MTUS2: variants seen among roughly 807,000 people sequenced by gnomAD.
MTUS2 encodes microtubule-associated tumor suppressor candidate 2.
MTUS2 carries 40 observed loss-of-function variants against 114.1 expected under a neutral mutation model. The observed-to-expected ratio is 0.35, with a 90% CI of 0.27 to 0.46. MTUS2 has a LOEUF of 0.46. Ranked by LOEUF, MTUS2 falls within the 20% of genes least tolerant of loss-of-function variation. The pLI, the probability that MTUS2 is intolerant of heterozygous loss-of-function variation, is 1.00. For synonymous variants in MTUS2, 688 were observed against 672.0 expected (o/e 1.02, Z -0.37); for missense variants, 1,679 against 1,705.4 (o/e 0.98, Z 0.27).
chr13:28,896,095 A>G (rs573942869), intron 2 of MTUS2, among the ~76,000 whole-genome samples: 57 of 152,330 alleles, frequency 3.7e-4, no homozygotes, highest in Admixed American at 1.1e-3. Flanking sequence ...GAGTAATTGT[A>G]TAGATAATAA....
chr13:29,184,776 T>C (rs1319986130), intron 5 of MTUS2, among the ~76,000 whole-genome samples: 1 of 152,030 alleles, frequency 6.6e-6, no homozygotes, highest in Non-Finnish European at 1.5e-5. Flanking sequence ...CAACAAACCT[T>C]GGGGAATGAC....
In MTUS2 at chr13:28,829,879, A is replaced by G. The variant is rs139776936; in HGVS notation, c.-316+9268A>G. ...TGGAATCTAGAAGTCCCATGTCTGT[A>G]TGTCCAGGAAATACTTAATAAGGCC... is the stretch of plus-strand genomic sequence containing the variant. On this transcript the variant is annotated intron_variant, in intron 1 of 15. Coordinates refer to ENST00000612955, the MANE Select transcript of MTUS2 (RefSeq NM_001033602.4). Among the ~76,000 whole-genome samples, 9 of 152,352 alleles carry G rather than the reference A, an allele frequency of 5.9e-5. No homozygotes were observed. The East Asian group carries it at 9.6e-4, about 16-fold the overall frequency.
intron 1 of MTUS2, among the ~76,000 whole-genome samples, chr13:28,823,133 G>A (rs1287317496): frequency 1.3e-5 from 2 of 152,242 alleles, no homozygotes; most frequent in Non-Finnish European, 2.9e-5. Flanking sequence ...ATTGAAAGAT[G>A]CTTCATTAAT....
intron 5 of MTUS2, among the ~76,000 whole-genome samples, chr13:29,245,807 C>T (rs1221412098): frequency 1.3e-5 from 2 of 151,604 alleles, no homozygotes; most frequent in East Asian, 1.9e-4. Context: ...CGCCAGCCTC[C>T]TGTCTCAGCC....
At chr13:29,097,073 C>A (rs1890208931) in intron 4 of MTUS2, among the ~76,000 whole-genome samples, 1 of 152,132 alleles carries the variant, frequency 6.6e-6, no homozygotes, top group African/African-American at 2.4e-5. Context: ...GCCTGCCCAT[C>A]CCAGGAAGAT....
chr13:28,848,289 G>T (rs921786573), intron 2 of MTUS2, among the ~76,000 whole-genome samples: 1 of 152,166 alleles, frequency 6.6e-6, no homozygotes, highest in Non-Finnish European at 1.5e-5. Context: ...AATGTTAATG[G>T]GGAAACACAG....
At chr13:29,329,614 CTTT>C (rs34216714) in intron 7 of MTUS2, among the ~76,000 whole-genome samples, 2,546 of 105,968 alleles carry the variant, frequency 0.024, 66 homozygotes, top group African/African-American at 0.075. Flanking sequence ...GTGCATGTGT[CTTT>C]TTTTTTTTTT....
chr13:28,982,143 G>T (rs1884386687), intron 2 of MTUS2, among the ~76,000 whole-genome samples: 1 of 152,136 alleles, frequency 6.6e-6, no homozygotes, highest in Non-Finnish European at 1.5e-5. Context: ...GGTTCCACAG[G>T]TAAGTAGGGT....
chr13:29,437,902 TA>T (rs66960554), intron 8 of MTUS2, among the ~76,000 whole-genome samples: 3,132 of 150,722 alleles, frequency 0.021, 55 homozygotes, highest in Non-Finnish European at 0.03. Flanking sequence ...GAGCCATGAT[TA>T]CACCACTGCA....
intron 7 of MTUS2, among the ~76,000 whole-genome samples, chr13:29,358,855 G>A (rs1012890572): frequency 2.6e-5 from 4 of 151,086 alleles, no homozygotes; most frequent in South Asian, 4.2e-4. Context: ...TTATTCTCTG[G>A]TGCCCAATTA....
rs1341979953 is a variant in MTUS2, at chr13:28,944,464, A to G, written c.-242-79993A>G. On this transcript the variant is annotated intron_variant, in intron 2 of 15. Coordinates refer to ENST00000612955, the MANE Select transcript of MTUS2 (RefSeq NM_001033602.4). Reference sequence around the variant, plus strand: ...TAAATTTTAGGTATAGATATTACAGAGTGCTAGCTAGTAAGTCCCAACCAT... The same window carrying G: ...TAAATTTTAGGTATAGATATTACAGGGTGCTAGCTAGTAAGTCCCAACCAT... Among the ~76,000 whole-genome samples the G allele has an allele frequency of 2.6e-5, 4 of 152,230 alleles. No individual in the cohort carries two copies. In the East Asian group the frequency reaches 7.7e-4, roughly 29 times the overall value.
chr13:29,299,321 C>T (rs1202467299), intron 6 of MTUS2, among the ~76,000 whole-genome samples: 2 of 152,130 alleles, frequency 1.3e-5, no homozygotes, highest in Non-Finnish European at 2.9e-5. Context: ...TCTCAGACAT[C>T]CCGGGACTAA....
intron 2 of MTUS2, among the ~76,000 whole-genome samples, chr13:28,846,730 A>G (rs2138011436): frequency 6.6e-6 from 1 of 152,360 alleles, no homozygotes; most frequent in Admixed American, 6.5e-5. Context: ...AATGAATCTT[A>G]ATAGAAGAGG....
At chr13:29,178,713 T>C (rs1893877245) in intron 5 of MTUS2, among the ~76,000 whole-genome samples, 1 of 152,064 alleles carries the variant, frequency 6.6e-6, no homozygotes, top group Non-Finnish European at 1.5e-5. Context: ...TCAATAGAAA[T>C]GTATTTAAGA....
chr13:29,301,606 T>A (rs1899208089), intron 6 of MTUS2, among the ~76,000 whole-genome samples: 1 of 152,242 alleles, frequency 6.6e-6, no homozygotes, highest in Non-Finnish European at 1.5e-5. Flanking sequence ...TAGACCGAGA[T>A]TACCACTAAT....
intron 4 of MTUS2, among the ~76,000 whole-genome samples, chr13:29,052,354 A>G (rs1431367290): frequency 1.3e-5 from 2 of 150,730 alleles, no homozygotes; most frequent in African/African-American, 4.9e-5. Context: ...GGTGGCAGGC[A>G]CCTGTAATCC....
At chr13:28,900,296 CTG>C (rs759551772) in intron 2 of MTUS2, among the ~76,000 whole-genome samples, 5 of 151,310 alleles carry the variant, frequency 3.3e-5, no homozygotes, top group Admixed American at 2.0e-4. Flanking sequence ...TTACCTGTAG[CTG>C]TGTGTGTGTG....
At chr13:28,902,565 A>G (rs1277917199) in intron 2 of MTUS2, among the ~76,000 whole-genome samples, 20 of 152,118 alleles carry the variant, frequency 1.3e-4, no homozygotes, top group Admixed American at 1.2e-3. Context: ...TGTAAAAAAA[A>G]AAATTTTAAC....
chr13:28,943,278 T>C (rs572467477), intron 2 of MTUS2, among the ~76,000 whole-genome samples: 71 of 152,204 alleles, frequency 4.7e-4, no homozygotes, highest in Non-Finnish European at 8.1e-4. Context: ...AATTATTCAT[T>C]GGATAAACAT....
Sources: gnomAD v4.1 joint callset for allele counts (sites outside exome capture counted in the v4.1 genomes callset) on GRCh38, gnomAD v4.1.1 for gene constraint, MANE v1.5 for transcripts, NCBI Gene and HGNC (gene_info 2026-07-23, HGNC 2026-07-21) for gene names.